FOXO3: variants seen among roughly 807,000 people sequenced by gnomAD.
The protein encoded by FOXO3 is forkhead box protein O3.
A neutral mutation model predicts 41.9 loss-of-function variants in FOXO3; 4 were observed. The ratio of observed to expected loss-of-function variants is 0.10; its 90% CI spans 0.05 to 0.22. The LOEUF (loss-of-function observed/expected upper bound fraction) is 0.22, where lower values mean the gene tolerates loss of function less well. Ranked by LOEUF, FOXO3 falls within the 10% of genes least tolerant of loss-of-function variation. FOXO3 has a pLI of 1.00. For missense variants in FOXO3, 534 were observed against 906.8 expected, an observed-to-expected ratio of 0.59 and a Z score of 5.28; for synonymous variants, 318 against 389.3, an observed-to-expected ratio of 0.82 and a Z score of 2.16.
At chr6:108,658,619 C>T (rs148681110) in intron 1 of FOXO3, among the ~76,000 whole-genome samples, 233 of 151,972 alleles carry the variant, frequency 1.5e-3, no homozygotes, top group Middle Eastern at 3.4e-3. Flanking sequence ...GATGGGGTTT[C>T]GCCACGTTGG....
At chr6:108,644,861 T>G (rs1482244254) in intron 1 of FOXO3, among the ~76,000 whole-genome samples, 4 of 152,182 alleles carry the variant, frequency 2.6e-5, no homozygotes, top group Non-Finnish European at 5.9e-5. Flanking sequence ...TTTTCACAAT[T>G]TGTAATTATG....
At chr6:108,599,668 A>G (rs750123090) in intron 1 of FOXO3, among the ~76,000 whole-genome samples, 7 of 152,220 alleles carry the variant, frequency 4.6e-5, no homozygotes, top group Non-Finnish European at 8.8e-5. Context: ...TCCTTTAAGA[A>G]AAAATCTTAG....
chr6:108,661,174 G>A (rs1018371147), intron 1 of FOXO3, among the ~76,000 whole-genome samples: 2 of 151,846 alleles, frequency 1.3e-5, no homozygotes, highest in South Asian at 2.1e-4. Context: ...CCCTGGAGGC[G>A]GAGGTTGCAG....
intron 1 of FOXO3, among the ~76,000 whole-genome samples, chr6:108,648,330 G>C (rs183611838): frequency 1.5e-3 from 233 of 152,274 alleles, no homozygotes; most frequent in African/African-American, 5.4e-3. Context: ...ACCTAAACCT[G>C]CTGCTCACTT....
In FOXO3 at chr6:108,681,786, T is replaced by C. The variant is rs1770863109; in HGVS notation, c.*1994T>C. On this transcript the variant is annotated 3_prime_UTR_variant, in exon 3 of 3. Transcript: ENST00000406360. ...TTTTTAAGTATGTATTCTATTCATA[T>C]GGTCTGCTTGTCAGTGAGCCAGACT... The C allele has an allele frequency of 1.3e-5, 2 of 152,354 alleles. No individual in the cohort carries two copies. The highest frequency in any genetic ancestry group is 2.1e-4 in the South Asian group (1 of 4,836). 9.4% of individuals were successfully genotyped at this position (152,354 alleles called of 1,614,324 possible).
chr6:108,594,818 C>G (rs1408968844), intron 1 of FOXO3, among the ~76,000 whole-genome samples: 1 of 152,166 alleles, frequency 6.6e-6, no homozygotes, highest in Admixed American at 6.5e-5. Flanking sequence ...TGGCACAGCT[C>G]CAGCTCTTTC....
chr6:108,574,104 G>C (rs1776191991), intron 1 of FOXO3, among the ~76,000 whole-genome samples: 1 of 144,506 alleles, frequency 6.9e-6, no homozygotes, highest in South Asian at 2.2e-4. Flanking sequence ...AGTGAGCTGA[G>C]ATCACGCCAC....
Position 108,561,214 on chromosome 6 carries a change from A to C in FOXO3, c.6A>C (p.Ala2=). The C allele has an allele frequency of 6.5e-7, 1 of 1,540,512 alleles. No homozygotes were observed. Among genetic ancestry groups the C allele is most frequent in the Non-Finnish European group, 8.7e-7 (1 of 1,144,712 alleles). The stretch of plus-strand genomic sequence containing the variant: ...CGGGCGGGCGGGCGGCGAAGATGGC[A>C]GAGGCACCGGCTTCCCCGGCCCCGC... M[A]EAPASPAPLS... is the part of the protein sequence containing the mutation. Residue 2 remains alanine (A), a synonymous_variant, in exon 1 of 3, where the codon GCA becomes GCC. Transcript: ENST00000406360.
At chr6:108,610,865 T>G (rs1183411164) in intron 1 of FOXO3, among the ~76,000 whole-genome samples, 8 of 152,234 alleles carry the variant, frequency 5.3e-5, no homozygotes, top group Admixed American at 3.3e-4. Context: ...ATCGTAGTTA[T>G]TGAGTTGTAA....
At chr6:108,573,012 C>T (rs1045111733) in intron 1 of FOXO3, among the ~76,000 whole-genome samples, 30 of 152,064 alleles carry the variant, frequency 2.0e-4, no homozygotes, top group Non-Finnish European at 4.0e-4. Context: ...TTTTGGCCGG[C>T]GCGGTGGCTC....
Position 108,561,816 on chromosome 6 carries a change from C to T in FOXO3, c.608C>T (p.Ser203Phe), listed in dbSNP as rs1775800774. 1 of 1,582,172 alleles carries T rather than the reference C, an allele frequency of 6.3e-7. No individual in the cohort carries two copies. Among genetic ancestry groups the T allele is most frequent in the Admixed American group, 1.8e-5 (1 of 56,602 alleles). Reference protein sequence around the residue: ...YFKDKGDSNSSAGWKNSIRHN... With the variant: ...YFKDKGDSNSFAGWKNSIRHN... ...AAGGATAAGGGCGACAGCAACAGCTCTGCCGGCTGGAAGGTGCGTACCCAC... is the reference window on the plus strand; with the variant it reads ...AAGGATAAGGGCGACAGCAACAGCTTTGCCGGCTGGAAGGTGCGTACCCAC... Residue 203 changes from serine (S) to phenylalanine (F), a missense_variant, in exon 1 of 3, where the codon TCT becomes TTT. Physicochemically the swap from Ser to Phe is radical, Grantham distance 155. Around this residue, in one of 8 missense-constraint regions of FOXO3, gnomAD observed 77 missense variants for 193.2 expected, o/e 0.40. Coordinates refer to ENST00000406360, the MANE Select transcript of FOXO3 (RefSeq NM_001455.4).
intron 1 of FOXO3, among the ~76,000 whole-genome samples, chr6:108,649,865 T>C (rs1416401499): frequency 6.6e-6 from 1 of 152,150 alleles, no homozygotes; most frequent in Non-Finnish European, 1.5e-5. Flanking sequence ...GTGTGTTACT[T>C]TGAACCTGAA....
chr6:108,572,776 C>G (rs1446717912), intron 1 of FOXO3, among the ~76,000 whole-genome samples: 1 of 152,050 alleles, frequency 6.6e-6, no homozygotes, highest in Non-Finnish European at 1.5e-5. Flanking sequence ...ATTATGTGCC[C>G]GTTACTCAAC....
chr6:108,573,598 C>T (rs1025229908), intron 1 of FOXO3, among the ~76,000 whole-genome samples: 3 of 152,108 alleles, frequency 2.0e-5, no homozygotes, highest in Admixed American at 6.5e-5. Context: ...TAGGCTGAGG[C>T]GGGAGCATCA....
intron 1 of FOXO3, among the ~76,000 whole-genome samples, chr6:108,657,849 C>T (rs1235511220): frequency 1.3e-5 from 2 of 152,154 alleles, no homozygotes; most frequent in Non-Finnish European, 2.9e-5. Context: ...ATTTACCTTT[C>T]CTGCTTTACC....
At chr6:108,577,415 G>A (rs1776291546) in intron 1 of FOXO3, among the ~76,000 whole-genome samples, 1 of 152,160 alleles carries the variant, frequency 6.6e-6, no homozygotes, top group Admixed American at 6.5e-5. Flanking sequence ...CCTGGCTGCT[G>A]TTCCATTTTT....
At chr6:108,608,932 A>T in intron 1 of FOXO3, among the ~76,000 whole-genome samples, 1 of 152,184 alleles carries the variant, frequency 6.6e-6, no homozygotes, top group East Asian at 1.9e-4. Context: ...TAAGCAGTTA[A>T]TGCTCAGCAG....
chr6:108,678,815 C>G (rs911061489), intron 2 of FOXO3, among the ~76,000 whole-genome samples: 2 of 150,948 alleles, frequency 1.3e-5, no homozygotes, highest in African/African-American at 4.8e-5. Flanking sequence ...ATCTCTTGAG[C>G]CCAGGAGTTC....
At chr6:108,631,512 C>T (rs1777972692) in intron 1 of FOXO3, among the ~76,000 whole-genome samples, 1 of 152,106 alleles carries the variant, frequency 6.6e-6, no homozygotes, top group Non-Finnish European at 1.5e-5. Flanking sequence ...TGAGGATTTG[C>T]GTGAAGACAA....
Sources: gnomAD v4.1 joint callset for allele counts (sites outside exome capture counted in the v4.1 genomes callset) on GRCh38, gnomAD v4.1.1 for gene constraint, gnomAD v4.1.1 regional missense constraint, MANE v1.5 for transcripts, NCBI Gene and HGNC (gene_info 2026-07-23, HGNC 2026-07-21) for gene names.